CMYA5: variants seen among roughly 807,000 people sequenced by gnomAD.
CMYA5 encodes cardiomyopathy-associated protein 5.
A neutral mutation model predicts 318.9 loss-of-function variants in CMYA5; 246 were observed. The ratio of observed to expected loss-of-function variants is 0.77; its 90% CI spans 0.70 to 0.86. CMYA5 has a LOEUF of 0.86. Among genes scored for constraint, CMYA5 ranks in the 40% least tolerant of loss-of-function variants. The pLI, the probability that CMYA5 is intolerant of heterozygous loss-of-function variation, is 0.00. For missense variants in CMYA5, 4,589 were observed against 4,678.2 expected, an observed-to-expected ratio of 0.98 and a Z score of 0.56; for synonymous variants, 1,641 against 1,729.5, an observed-to-expected ratio of 0.95 and a Z score of 1.27.
chr5:79,736,889 T>C lies in CMYA5; in HGVS notation c.8124T>C (p.Arg2708=). 3 of 1,613,178 alleles carry C rather than the reference T, an allele frequency of 1.9e-6. No individual in the cohort carries two copies. The highest frequency in any genetic ancestry group is 2.5e-6 in the Non-Finnish European group (3 of 1,179,744). Residue 2708 remains arginine (R), a synonymous_variant, in exon 2 of 13, where the codon CGT becomes CGC. Coordinates refer to ENST00000446378, the MANE Select transcript of CMYA5 (RefSeq NM_153610.5). ...FQEKAVGTQP[R]PLEESKVLVE... is the part of the protein sequence containing the mutation. Reference sequence around the variant, plus strand: ...AAAAGGCAGTAGGAACCCAACCACGTCCTTTAGAAGAAAGTAAAGTTTTGG... The same window carrying C: ...AAAAGGCAGTAGGAACCCAACCACGCCCTTTAGAAGAAAGTAAAGTTTTGG...
chr5:79,747,821 A>C (rs1828356408), intron 5 of CMYA5, among the ~76,000 whole-genome samples: 1 of 152,148 alleles, frequency 6.6e-6, no homozygotes, highest in South Asian at 2.1e-4. Context: ...GTTTGAGCCT[A>C]ATGTTTTCTC....
chr5:79,760,030 C>T (rs1274926216), intron 7 of CMYA5, among the ~76,000 whole-genome samples: 1 of 152,150 alleles, frequency 6.6e-6, no homozygotes, highest in African/African-American at 2.4e-5. Flanking sequence ...TGACCGGGGG[C>T]AGGAGTCAAA....
chr5:79,729,265 G>T lies in CMYA5; in HGVS notation c.500G>T (p.Gly167Val), dbSNP rs1224567138. ...ESQDVPTNKK[G>V]SPLTSASQVL... ...CAAGATGTTCCAACAAACAAAAAAG[G>T]CAGTCCTTTAACTTCAGCAAGCCAG... The change falls in exon 2 of 13, where the codon GGC becomes GTC. Residue 167 changes from glycine to valine, a missense_variant. Gly to Val is a moderately radical substitution (Grantham distance 109). Transcript: ENST00000446378. 2 of 1,611,180 alleles carry T rather than the reference G, an allele frequency of 1.2e-6. No individual in the cohort carries two copies. Among genetic ancestry groups the T allele is most frequent in the Non-Finnish European group, 1.7e-6 (2 of 1,179,244 alleles).
chr5:79,716,642 A>C (rs1427935308), intron 1 of CMYA5, among the ~76,000 whole-genome samples: 1 of 152,256 alleles, frequency 6.6e-6, no homozygotes, highest in Non-Finnish European at 1.5e-5. Flanking sequence ...GAATCTTTAC[A>C]TCACATAGTT....
rs1370215536 is a variant in CMYA5 at position 79,758,801 on chromosome 5, G to T, written c.11159G>T (p.Ser3720Ile). 14 of 1,599,718 alleles carry T rather than the reference G, an allele frequency of 8.8e-6. No homozygotes were observed. Among genetic ancestry groups the T allele is most frequent in the Non-Finnish European group, 1.1e-5 (13 of 1,173,162 alleles). ...CCTCAGGAACCAAATTCTGCCACCA[G>T]CACAACAATTGCAGTTTACTGGAGC... is the stretch of plus-strand genomic sequence containing the variant. ...LEPQEPNSAT[S>I]TTIAVYWSMN... Residue 3720 changes from serine to isoleucine, a missense_variant, in exon 7 of 13, where the codon AGC (serine) becomes ATC (isoleucine). Physicochemically the swap from Ser to Ile is moderately radical, Grantham distance 142. Coordinates refer to ENST00000446378, the MANE Select transcript of CMYA5 (RefSeq NM_153610.5).
chr5:79,746,961 T>A lies in CMYA5; in HGVS notation c.10969-130T>A, dbSNP rs889891760. ...CAACCTCAGGGAAGCTGAGGGGTTA[T>A]GATTTTCAAACGTGGGTAATCTTAA... On this transcript the variant is annotated intron_variant, in intron 4 of 12. Coordinates refer to ENST00000446378, the MANE Select transcript of CMYA5 (RefSeq NM_153610.5). 4 of 628,232 alleles carry A rather than the reference T, an allele frequency of 6.4e-6. No individual in the cohort carries two copies. In the Admixed American group the frequency reaches 8.4e-5, roughly 13 times the overall value. The allele number at this position is 628,232 out of a possible 1,614,324, so 38.9% of individuals were successfully genotyped here.
rs1305928848 is a variant in CMYA5 at position 79,735,013 on chromosome 5, TG to T, written c.6251del (p.Gly2084AlafsTer43). ...HFPAEGVEPA[L>X]GNEKEAHRST... ...CCGGCAGAAGGTGTGGAACCTGCAT[TG>T]GGCAATGAAAAAGAAGCACACAGGA... On this transcript the variant is annotated frameshift_variant, in exon 2 of 13. Coordinates refer to ENST00000446378, the MANE Select transcript of CMYA5 (RefSeq NM_153610.5). LOFTEE classifies it high-confidence loss of function. 2 of 1,613,566 alleles carry T rather than the reference TG, an allele frequency of 1.2e-6. No individual in the cohort carries two copies. Among genetic ancestry groups the T allele is most frequent in the African/African-American group, 1.3e-5 (1 of 74,872 alleles).
chr5:79,785,315 C>G (rs1014984692), intron 9 of CMYA5, among the ~76,000 whole-genome samples: 1 of 151,950 alleles, frequency 6.6e-6, no homozygotes, highest in African/African-American at 2.4e-5. Flanking sequence ...GATGCGTAGC[C>G]TCCTCCATCA....
chr5:79,755,063 T>C (rs1198981287), intron 6 of CMYA5, among the ~76,000 whole-genome samples: 1 of 152,190 alleles, frequency 6.6e-6, no homozygotes, highest in Non-Finnish European at 1.5e-5. Context: ...TTTTTGGCTA[T>C]TGTGAATAAT....
intron 12 of CMYA5, among the ~76,000 whole-genome samples, chr5:79,798,656 C>A (rs761832507): frequency 3.9e-5 from 6 of 152,152 alleles, no homozygotes; most frequent in Non-Finnish European, 7.3e-5. Flanking sequence ...AGTATGGGAT[C>A]CCAGAGGGCA....
Position 79,799,658 on chromosome 5 carries a change from TGGGG to T in CMYA5, c.*46_*49del. ...TTTGCAAGAACAGCGATTTGAATTT[TGGGG>T]GGGTCTGCTGTTCATTCCTTTAGGT... is the stretch of plus-strand genomic sequence containing the variant. On this transcript the variant is annotated 3_prime_UTR_variant, in exon 13 of 13. Coordinates refer to ENST00000446378, the MANE Select transcript of CMYA5 (RefSeq NM_153610.5). The T allele has an allele frequency of 6.4e-7, 1 of 1,573,972 alleles. No individual in the cohort carries two copies. The highest frequency in any genetic ancestry group is 8.7e-7 in the Non-Finnish European group (1 of 1,155,978).
rs368917635 is a variant in CMYA5 at position 79,738,882 on chromosome 5, G to T, written c.10117G>T (p.Val3373Phe). The change falls in exon 2 of 13, where the codon GTC (valine) becomes TTC (phenylalanine). Residue 3373 changes from valine (V) to phenylalanine (F), a missense_variant. Coordinates refer to ENST00000446378, the MANE Select transcript of CMYA5 (RefSeq NM_153610.5). ...GNASPEVNLN[V>F]PVQVSFPEEE... ...TGCAAGTCCAGAGGTCAATCTGAAT[G>T]TCCCAGTACAAGTGTCCTTCCCGGA... The T allele has an allele frequency of 3.0e-5, 49 of 1,613,912 alleles. No individual in the cohort carries two copies. In the East Asian group the frequency reaches 3.6e-4, roughly 12 times the overall value.
In CMYA5 at chr5:79,733,771, T is replaced by C. The variant is rs1019762; in HGVS notation, c.5006T>C (p.Leu1669Ser). The change falls in exon 2 of 13, where the codon TTA (leucine) becomes TCA (serine). Residue 1669 changes from leucine (L) to serine (S), a missense_variant. Coordinates refer to ENST00000446378, the MANE Select transcript of CMYA5 (RefSeq NM_153610.5). Reference protein sequence around the residue: ...SPITETEDSVLEKGPAELRSR... With the variant: ...SPITETEDSVSEKGPAELRSR... ...ATAACTGAAACAGAGGATTCTGTTT[T>C]AGAAAAAGGCCCAGCTGAGCTTAGG... 0.15 allele frequency: 244,740 copies of C among 1,613,110 alleles called. 19,315 individuals are homozygous for C. Among genetic ancestry groups the C allele is most frequent in the Middle Eastern group, 0.17 (1,010 of 6,058 alleles).
intron 2 of CMYA5, among the ~76,000 whole-genome samples, chr5:79,742,690 T>A (rs149153649): frequency 3.3e-5 from 5 of 151,664 alleles, no homozygotes; most frequent in African/African-American, 9.7e-5. Flanking sequence ...ATTTACTCAC[T>A]CCCTTCCTGC....
rs746988940 is a variant in CMYA5, at chr5:79,737,028, C to T, written c.8263C>T (p.Pro2755Ser). Residue 2755 changes from proline (P) to serine (S), a missense_variant, in exon 2 of 13, where the codon CCA (proline) becomes TCA (serine). Physicochemically the swap from Pro to Ser is moderately conservative, Grantham distance 74. Around this residue, in one of 3 missense-constraint regions of CMYA5, gnomAD observed 2,431 missense variants for 2,495.1 expected, o/e 0.97. Transcript: ENST00000446378. ...GTTAGAAAAGTCAAGCAGAGATATGCCAGATCACAGTGAAGAAAAAGAACA... is the reference window on the plus strand; with the variant it reads ...GTTAGAAAAGTCAAGCAGAGATATGTCAGATCACAGTGAAGAAAAAGAACA... ...LVLEKSSRDM[P>S]DHSEEKEQFK... The T allele has an allele frequency of 3.7e-6, 6 of 1,613,280 alleles. No homozygotes were observed. In the African/African-American group the frequency reaches 6.7e-5, roughly 18 times the overall value.
At chr5:79,777,306 CT>C (rs1441645622) in intron 9 of CMYA5, among the ~76,000 whole-genome samples, 1 of 152,188 alleles carries the variant, frequency 6.6e-6, no homozygotes, top group Non-Finnish European at 1.5e-5. Context: ...GAAGCAATTA[CT>C]GTTACCTGAT....
In CMYA5 at chr5:79,735,708, C is replaced by G. The variant is rs768905526; in HGVS notation, c.6943C>G (p.Leu2315Val). The stretch of plus-strand genomic sequence containing the variant: ...AGTTACTTCTGCTGATGGTGAGAAC[C>G]TTGAAATTCAATCTTATTCACTAAT... ...SVVTSADGENLEIQSYSLIGE... is the reference protein window; with the variant it reads ...SVVTSADGENVEIQSYSLIGE... Residue 2315 changes from leucine to valine, a missense_variant, in exon 2 of 13, where the codon CTT (leucine) becomes GTT (valine). Physicochemically the swap from Leu to Val is conservative, Grantham distance 32. Around this residue, in one of 3 missense-constraint regions of CMYA5, gnomAD observed 2,431 missense variants for 2,495.1 expected, o/e 0.97. Coordinates refer to ENST00000446378, the MANE Select transcript of CMYA5 (RefSeq NM_153610.5). 15 of 1,599,688 alleles carry G rather than the reference C, an allele frequency of 9.4e-6. No homozygotes were observed. The South Asian group carries it at 1.7e-4, about 18-fold the overall frequency.
At chr5:79,727,959 C>G (rs1277614325) in intron 1 of CMYA5, among the ~76,000 whole-genome samples, 3 of 152,186 alleles carry the variant, frequency 2.0e-5, no homozygotes, top group African/African-American at 7.2e-5. Context: ...CATGTGTCAT[C>G]AGGAAGGCCT....
rs772067072 is a variant in CMYA5, at chr5:79,737,564, A to T, written c.8799A>T (p.Pro2933=). The change falls in exon 2 of 13, where the codon CCA becomes CCT. Residue 2933 remains proline, a synonymous_variant. Transcript: ENST00000446378. The part of the protein sequence containing the change: ...KGEDFTVTSK[P]AGLSEDQKTA... ...AAGACTTTACAGTGACTAGTAAGCC[A>T]GCCGGACTTTCAGAAGATCAGAAGA... is the stretch of plus-strand genomic sequence containing the variant. 6.2e-7 allele frequency: 1 copy of T among 1,613,612 alleles called. No individual in the cohort carries two copies.
Sources: allele counts gnomAD v4.1 joint callset (sites outside exome capture counted in the v4.1 genomes callset), GRCh38; gene constraint gnomAD v4.1.1; regional missense constraint gnomAD v4.1.1; transcripts MANE v1.5; gene names NCBI Gene and HGNC (gene_info 2026-07-23, HGNC 2026-07-21).